Variants in ANO3 observed in about 807,000 individuals in gnomAD.
The protein encoded by ANO3 is anoctamin 3.
In ANO3, 99 loss-of-function variants were observed where a neutral mutation model predicts 144.8. The observed-to-expected ratio is 0.68, with a 90% CI of 0.58 to 0.81. The LOEUF is 0.81. ANO3 is among the 30% of genes least tolerant of loss of function. The probability of loss-of-function intolerance (pLI) is 0.00; values close to 1 mark genes in which losing one functional copy is unlikely to be tolerated. For synonymous variants in ANO3, 414 were observed against 392.6 expected (o/e 1.05, Z -0.64); for missense variants, 905 against 1,202.2 (o/e 0.75, Z 3.66).
intron 3 of ANO3, among the ~76,000 whole-genome samples, chr11:26,451,049 G>C (rs1489165525): frequency 6.6e-6 from 1 of 152,182 alleles, no homozygotes; most frequent in Non-Finnish European, 1.5e-5. Flanking sequence ...GTCAGCATAA[G>C]TTTTCAACAT....
Position 26,660,324 on chromosome 11 carries a change from A to G in ANO3, c.2826A>G (p.Leu942=), listed in dbSNP as rs1180969847. ...TGATTCCAGACGTACCAAAGGGTCT[A>G]CATGACCGAATACGACGAGAGAAGT... ...AYLIPDVPKG[L]HDRIRREKYL... is the part of the protein sequence containing the mutation. Residue 942 remains leucine, a synonymous_variant, in exon 27 of 27, where the codon CTA becomes CTG. Transcript: ENST00000256737. 1.2e-6 allele frequency: 2 copies of G among 1,613,712 alleles called. No homozygotes were observed. Among genetic ancestry groups the G allele is most frequent in the East Asian group, 2.2e-5 (1 of 44,852 alleles).
At chr11:26,631,122 G>A (rs1052587226) in intron 18 of ANO3, among the ~76,000 whole-genome samples, 1 of 151,744 alleles carries the variant, frequency 6.6e-6, no homozygotes, top group East Asian at 1.9e-4. Flanking sequence ...ATTATTGATA[G>A]GATGTTTAGT....
chr11:26,655,620 G>T lies in ANO3; in HGVS notation c.2577-505G>T, dbSNP rs574628451. ...CTCTCTCCCCTCTCCCACCCTGCTA[G>T]AATGTAAGCTACACAGGGATAGGGG... On this transcript the variant is annotated intron_variant, in intron 24 of 26. Transcript: ENST00000256737. 5.9e-5 allele frequency among the ~76,000 whole-genome samples: 9 copies of T among 152,182 alleles called. No homozygotes were observed. The South Asian group carries it at 1.7e-3, about 28-fold the overall frequency.
chr11:26,495,638 T>C (rs988297185), intron 4 of ANO3, among the ~76,000 whole-genome samples: 1 of 152,178 alleles, frequency 6.6e-6, no homozygotes, highest in Non-Finnish European at 1.5e-5. Context: ...TTCCTCTTCC[T>C]AAGTCTCAGG....
intron 1 of ANO3, among the ~76,000 whole-genome samples, chr11:26,378,511 GAA>G (rs1856480949): frequency 6.6e-6 from 1 of 150,882 alleles, no homozygotes; most frequent in Admixed American, 6.6e-5. Context: ...GTGGATCTGG[GAA>G]ACACACTTTT....
intron 23 of ANO3, among the ~76,000 whole-genome samples, chr11:26,647,454 C>T (rs1853382965): frequency 6.6e-6 from 1 of 152,144 alleles, no homozygotes; most frequent in African/African-American, 2.4e-5. Flanking sequence ...TGCCATGTCT[C>T]ATTGTTGCAG....
At chr11:26,539,653 C>A (rs1849596644) in intron 10 of ANO3, among the ~76,000 whole-genome samples, 1 of 152,114 alleles carries the variant, frequency 6.6e-6, no homozygotes, top group African/African-American at 2.4e-5. Context: ...TGAGCCATGA[C>A]TCAAGGTGTC....
chr11:26,331,009 C>T (rs1564968108), upstream of ANO3, among the ~76,000 whole-genome samples: 1 of 152,188 alleles, frequency 6.6e-6, no homozygotes, highest in Non-Finnish European at 1.5e-5. Context: ...GGCTTTGAAT[C>T]AGGGAGCAGA....
chr11:26,607,268 C>T (rs867452752), intron 17 of ANO3, among the ~76,000 whole-genome samples: 4 of 152,026 alleles, frequency 2.6e-5, no homozygotes, highest in African/African-American at 7.2e-5. Flanking sequence ...TCCTTCATTT[C>T]GACCTTGGAG....
At chr11:26,364,773 C>T (rs916951114) in intron 1 of ANO3, among the ~76,000 whole-genome samples, 1 of 152,166 alleles carries the variant, frequency 6.6e-6, no homozygotes, top group African/African-American at 2.4e-5. Context: ...TACCAGGTCC[C>T]ACCTCTAGTA....
At chr11:26,234,532 C>A (rs1019114550) in intron 1 of ANO3, among the ~76,000 whole-genome samples, 2 of 152,064 alleles carry the variant, frequency 1.3e-5, no homozygotes, top group African/African-American at 2.4e-5. Flanking sequence ...ATTTTAAAAA[C>A]CAATTTAAAT....
At chr11:26,440,299 T>A (rs974220184) in intron 1 of ANO3, among the ~76,000 whole-genome samples, 2 of 152,162 alleles carry the variant, frequency 1.3e-5, no homozygotes, top group Admixed American at 1.3e-4. Flanking sequence ...ACTGGATAAT[T>A]TATAAAGAAA....
At chr11:26,330,461 G>A (rs1044406392), upstream of ANO3, among the ~76,000 whole-genome samples, 1 of 152,032 alleles carries the variant, frequency 6.6e-6, no homozygotes, top group Non-Finnish European at 1.5e-5. Context: ...CCTGCATACT[G>A]AGCTCTTATT....
At chr11:26,630,224 G>A (rs375907882) in intron 18 of ANO3, among the ~76,000 whole-genome samples, 14 of 152,156 alleles carry the variant, frequency 9.2e-5, no homozygotes, top group East Asian at 7.7e-4. Context: ...AGATTTAGAG[G>A]TATGTGGTTC....
intron 1 of ANO3, among the ~76,000 whole-genome samples, chr11:26,390,329 G>T (rs1349863696): frequency 1.3e-5 from 2 of 151,976 alleles, no homozygotes; most frequent in Non-Finnish European, 2.9e-5. Context: ...AGGGAAAATT[G>T]TTCCTGGTTT....
At chr11:26,367,346 T>C (rs1482653416) in intron 1 of ANO3, among the ~76,000 whole-genome samples, 1 of 152,210 alleles carries the variant, frequency 6.6e-6, no homozygotes, top group East Asian at 1.9e-4. Context: ...ACCAAGCTTT[T>C]TGCTAGGACA....
intron 4 of ANO3, chr11:26,474,101 T>C: frequency 1.0e-6 from 1 of 985,172 alleles, no homozygotes; most frequent in Non-Finnish European, 1.2e-6. Flanking sequence ...GGATTCCAAA[T>C]GCAGCTGAAC....
intron 4 of ANO3, among the ~76,000 whole-genome samples, chr11:26,465,162 CTG>C (rs147178671): frequency 1.1e-4 from 11 of 96,392 alleles, no homozygotes; most frequent in Non-Finnish European, 2.1e-4. Flanking sequence ...GTGTGTGTGT[CTG>C]TGTGTGAATT....
At chr11:26,450,493 C>A (rs369751559) in intron 3 of ANO3, among the ~76,000 whole-genome samples, 2 of 152,134 alleles carry the variant, frequency 1.3e-5, no homozygotes, top group Admixed American at 6.5e-5. Flanking sequence ...AACCACAGAG[C>A]AAGCCATGTA....
Sources: allele counts gnomAD v4.1 joint callset (sites outside exome capture counted in the v4.1 genomes callset), GRCh38; gene constraint gnomAD v4.1.1; transcripts MANE v1.5; gene names NCBI Gene and HGNC (gene_info 2026-07-23, HGNC 2026-07-21).